The following TUBD1 variants were observed in gnomAD, a reference collection of about 807,000 sequenced individuals.
TUBD1 encodes the protein tubulin delta 1.
A neutral mutation model predicts 51.2 loss-of-function variants in TUBD1; 38 were observed. The ratio of observed to expected loss-of-function variants is 0.74; its 90% confidence interval spans 0.57 to 0.97. TUBD1 has a LOEUF of 0.97. Ranked by LOEUF, TUBD1 falls within the 50% of genes least tolerant of loss-of-function variation. TUBD1 has a pLI of 0.00. For synonymous variants in TUBD1, 169 were observed against 178.2 expected, an observed-to-expected ratio of 0.95 and a Z score of 0.41; for missense variants, 489 against 538.4, an observed-to-expected ratio of 0.91 and a Z score of 0.91.
chr17:59,886,347 G>A (rs907887695), intron 2 of TUBD1, 117 bp from the exon 3 acceptor site: 14 of 1,064,902 alleles, frequency 1.3e-5, no homozygotes, highest in East Asian at 5.2e-5. Context: ...AATTCCAGGG[G>A]TTGTGGTTAG....
Position 59,885,655 on chromosome 17 carries a change from A to AAAAAC in TUBD1, c.320+423_320+427dup, listed in dbSNP as rs984761405. On this transcript the variant is annotated intron_variant, in intron 3 of 8. Transcript: ENST00000325752. ...TAATAAAACTCAGTGCTGTGGTTAA[A>AAAAAC]AAAACAAAACAAAACAAAACAAAAA... The AAAAAC allele has an allele frequency of 7.8e-5, 53 of 679,008 alleles. No homozygotes were observed. In the Middle Eastern group the frequency reaches 1.3e-3, roughly 16 times the overall value. The allele number at this position is 679,008 out of a possible 1,614,324, so 42.1% of individuals were successfully genotyped here.
chr17:59,874,785 G>A, intron 5 of TUBD1, 82 bp from the exon 6 acceptor site: 1 of 1,160,348 alleles, frequency 8.6e-7, no homozygotes, highest in Non-Finnish European at 1.2e-6. Flanking sequence ...TGATTTGAAG[G>A]TTTTCTGGGC....
chr17:59,862,259 G>A (rs554560664), intron 8 of TUBD1, among the ~76,000 whole-genome samples: 2 of 150,512 alleles, frequency 1.3e-5, no homozygotes, highest in African/African-American at 4.9e-5. Flanking sequence ...GGAGGCAGAG[G>A]TTGCAGTGAG....
rs771319485 is a variant in TUBD1, at chr17:59,874,650, G to T, written c.823C>A (p.Arg275Ser). 1.2e-6 allele frequency: 2 copies of T among 1,613,234 alleles called. No homozygotes were observed. The highest frequency in any genetic ancestry group is 2.7e-5 in the African/African-American group (2 of 74,816). ...TTCTCAGACATGTGAGGAATGTTAC[G>T]AACACTCAGCATCTTGAATTCAGGA... ...PHPEFKMLSV[R>S]NIPHMSENSL... is the part of the protein sequence containing the mutation. Residue 275 changes from arginine (R) to serine (S), a missense_variant, in exon 6 of 9, where the codon CGT (arginine) becomes AGT (serine). Transcript: ENST00000325752.
rs201361351 is a variant in TUBD1, at chr17:59,880,412, G to GAT, written c.537+480_537+481dup. Among the ~76,000 whole-genome samples the GAT allele has an allele frequency of 1.0e-3, 158 of 151,764 alleles. 2 individuals carry two copies. In the East Asian group the frequency reaches 0.024, roughly 23 times the overall value. Reference sequence around the variant, plus strand: ...ATCTGTTTGGAAAAGTTTAAGGGAAGATATATATATACCATATATAATATG... The same window carrying GAT: ...ATCTGTTTGGAAAAGTTTAAGGGAAGATATATATATATACCATATATAATATG... On this transcript the variant is annotated intron_variant, in intron 4 of 8. Coordinates refer to ENST00000325752, the MANE Select transcript of TUBD1 (RefSeq NM_016261.4).
intron 5 of TUBD1, 106 bp from the exon 6 acceptor site, chr17:59,874,809 T>C: frequency 1.2e-6 from 1 of 864,098 alleles, no homozygotes; most frequent in Non-Finnish European, 1.8e-6. Context: ...ATGTTTTTTC[T>C]CTTCTCAGAC....
At chr17:59,876,868 CT>C (rs199804255) in intron 5 of TUBD1, among the ~76,000 whole-genome samples, 594 of 142,734 alleles carry the variant, frequency 4.2e-3, no homozygotes, top group Non-Finnish European at 4.1e-3. Context: ...CTTAACCATT[CT>C]TTTTTTTTTT....
intron 3 of TUBD1, among the ~76,000 whole-genome samples, chr17:59,881,840 T>C (rs545302126): frequency 1.2e-4 from 19 of 152,190 alleles, no homozygotes; most frequent in Non-Finnish European, 2.1e-4. Context: ...GGCTAATTTT[T>C]GTATTTTTAG....
chr17:59,878,274 C>T lies in TUBD1; in HGVS notation c.598G>A (p.Ala200Thr), dbSNP rs770914579. The change falls in exon 5 of 9, where the codon GCC becomes ACC. Residue 200 changes from alanine to threonine, a missense_variant. Ala to Thr is a moderately conservative substitution (Grantham distance 58). Coordinates refer to ENST00000325752, the MANE Select transcript of TUBD1 (RefSeq NM_016261.4). ...GCATCATTCTCATGAAGAAGGAGGG[C>T]GTCTGAAGATCGGTACAAGTGAGAA... ...TLSHLYRSSDALLLHENDAIH... is the reference protein window; with the variant it reads ...TLSHLYRSSDTLLLHENDAIH... 9.3e-6 allele frequency: 15 copies of T among 1,613,670 alleles called. No individual in the cohort carries two copies. Among genetic ancestry groups the T allele is most frequent in the South Asian group, 6.6e-5 (6 of 91,070 alleles).
intron 2 of TUBD1, among the ~76,000 whole-genome samples, chr17:59,890,430 G>C (rs1041061912): frequency 6.6e-6 from 1 of 152,082 alleles, no homozygotes; most frequent in African/African-American, 2.4e-5. Flanking sequence ...TTTTAGTAGA[G>C]ATGGGGTTTC....
intron 3 of TUBD1, chr17:59,884,951 A>C: frequency 5.0e-6 from 1 of 200,630 alleles, no homozygotes; most frequent in Non-Finnish European, 1.0e-5. Context: ...AAAACCCAAC[A>C]TCAGGGCTTT....
chr17:59,886,039 G>A (rs1477667507), intron 3 of TUBD1, 44 bp downstream of exon 3: 1 of 1,603,022 alleles, frequency 6.2e-7, no homozygotes, highest in Admixed American at 1.7e-5. Context: ...TTAATTGACT[G>A]TGTAGCTGTC....
chr17:59,863,955 C>A (rs2039581623), intron 7 of TUBD1, 108 bp from the exon 8 acceptor site: 1 of 1,026,198 alleles, frequency 9.7e-7, no homozygotes, highest in East Asian at 3.2e-5. Context: ...TTTTATTTTG[C>A]CTTTTAAAAC....
chr17:59,865,538 C>A (rs144309924), intron 7 of TUBD1, among the ~76,000 whole-genome samples: 5,681 of 152,220 alleles, frequency 0.037, 384 homozygotes, highest in African/African-American at 0.13. Flanking sequence ...TGAGATTACA[C>A]CACTGCACTC....
At chr17:59,871,985 GC>G (rs1442281937) in intron 6 of TUBD1, among the ~76,000 whole-genome samples, 1 of 151,342 alleles carries the variant, frequency 6.6e-6, no homozygotes, top group Admixed American at 6.6e-5. Context: ...ACAGAGTCTC[GC>G]TCTGTTGCCC....
Position 59,860,431 on chromosome 17 carries a change from G to GAAAAAA in TUBD1, c.1260-13_1260-8dup. 1.7e-6 allele frequency: 2 copies of GAAAAAA among 1,155,898 alleles called. No homozygotes were observed. Among genetic ancestry groups the GAAAAAA allele is most frequent in the East Asian group, 2.6e-5 (1 of 38,100 alleles). 71.6% of individuals were successfully genotyped at this position (1,155,898 alleles called of 1,614,324 possible). A position where few individuals can be genotyped will look rare whatever the true frequency, so the allele number is the denominator to read the frequency against. Reference sequence around the variant, plus strand: ...GTACTGATGAATGTAGGCTCTGGTAGAAAAAAAAAAAAAACAGAAATTACA... The same window carrying GAAAAAA: ...GTACTGATGAATGTAGGCTCTGGTAGAAAAAAAAAAAAAAAAAAAACAGAAATTACA... On this transcript the variant is annotated splice_region_variant and splice_polypyrimidine_tract_variant and intron_variant, in intron 8 of 8. Coordinates refer to ENST00000325752, the MANE Select transcript of TUBD1 (RefSeq NM_016261.4).
intron 6 of TUBD1, among the ~76,000 whole-genome samples, chr17:59,868,256 C>G (rs1220091522): frequency 6.9e-6 from 1 of 144,178 alleles, no homozygotes; most frequent in African/African-American, 2.7e-5. Context: ...TGCACTCCAC[C>G]CTGGGCAACA....
At chr17:59,867,364 A>C (rs1413594321) in intron 6 of TUBD1, among the ~76,000 whole-genome samples, 1 of 151,834 alleles carries the variant, frequency 6.6e-6, no homozygotes, top group Non-Finnish European at 1.5e-5. Flanking sequence ...TCCTATGCCT[A>C]CTCCACTAGA....
chr17:59,886,378 A>G, intron 2 of TUBD1, 148 bp from the exon 3 acceptor site: 1 of 783,276 alleles, frequency 1.3e-6, no homozygotes, highest in Non-Finnish European at 1.9e-6. Flanking sequence ...CGTACTGCTT[A>G]GAAATCTCAG....
Sources: allele counts gnomAD v4.1 joint callset (sites outside exome capture counted in the v4.1 genomes callset), GRCh38; gene constraint gnomAD v4.1.1; transcripts MANE v1.5; gene names NCBI Gene and HGNC (gene_info 2026-07-23, HGNC 2026-07-21).